The following FHIT variants were observed in gnomAD, a reference collection of about 807,000 sequenced individuals.
FHIT encodes the protein bis(5'-adenosyl)-triphosphatase.
FHIT carries 19 observed loss-of-function variants against 17.9 expected under a neutral mutation model. That is an observed-to-expected ratio of 1.06 (90% CI 0.74 to 1.56). FHIT has a LOEUF of 1.56. Among genes scored for constraint, FHIT ranks in the 40% most tolerant of loss-of-function variants. The pLI, the probability that FHIT is intolerant of heterozygous loss-of-function variation, is 0.00. For synonymous variants in FHIT, 81 were observed against 69.7 expected, an observed-to-expected ratio of 1.16 and a Z score of -0.81; for missense variants, 248 against 189.2, an observed-to-expected ratio of 1.31 and a Z score of -1.82.
intron 5 of FHIT, among the ~76,000 whole-genome samples, chr3:60,029,214 A>G (rs1700877950): frequency 6.6e-6 from 1 of 152,212 alleles, no homozygotes; most frequent in Non-Finnish European, 1.5e-5. Context: ...GTTAAAGGTC[A>G]TAGAACAGTC....
chr3:60,663,620 A>G (rs1310280934), intron 4 of FHIT, among the ~76,000 whole-genome samples: 1 of 151,956 alleles, frequency 6.6e-6, no homozygotes, highest in African/African-American at 2.4e-5. Flanking sequence ...TATTTTTACA[A>G]GAGAGGGGGT....
intron 5 of FHIT, among the ~76,000 whole-genome samples, chr3:60,148,277 A>T (rs1700322365): frequency 6.6e-6 from 1 of 152,226 alleles, no homozygotes; most frequent in South Asian, 2.1e-4. Flanking sequence ...ATGGATAGAT[A>T]AATGGCATAT....
intron 5 of FHIT, among the ~76,000 whole-genome samples, chr3:60,469,497 ATTCT>A (rs1208955295): frequency 6.6e-6 from 1 of 152,102 alleles, no homozygotes; most frequent in Non-Finnish European, 1.5e-5. Context: ...TCTCTGCTTG[ATTCT>A]TTATATCTCC....
intron 5 of FHIT, among the ~76,000 whole-genome samples, chr3:60,529,276 A>G (rs1158789143): frequency 6.6e-6 from 1 of 152,192 alleles, no homozygotes; most frequent in Non-Finnish European, 1.5e-5. Flanking sequence ...AGTTGAACAC[A>G]TATACGTATT....
chr3:60,629,662 C>T (rs1274404058), intron 4 of FHIT, among the ~76,000 whole-genome samples: 1 of 152,202 alleles, frequency 6.6e-6, no homozygotes, highest in Non-Finnish European at 1.5e-5. Context: ...AGGTTCTTGT[C>T]CCTTAAAGCT....
At chr3:60,826,606 G>T (rs181837855) in intron 3 of FHIT, among the ~76,000 whole-genome samples, 3 of 152,210 alleles carry the variant, frequency 2.0e-5, no homozygotes, top group African/African-American at 7.2e-5. Context: ...GACCATTGGT[G>T]ATTCCTAGCA....
intron 7 of FHIT, among the ~76,000 whole-genome samples, chr3:59,999,333 TC>T (rs1699638395): frequency 1.3e-5 from 2 of 152,066 alleles, no homozygotes; most frequent in Non-Finnish European, 2.9e-5. Context: ...AGCACCACCA[TC>T]GTTAAAGTTA....
intron 5 of FHIT, among the ~76,000 whole-genome samples, chr3:60,504,285 T>C (rs529004131): frequency 2.6e-5 from 4 of 152,036 alleles, no homozygotes; most frequent in Admixed American, 6.5e-5. Flanking sequence ...AATACAAAAA[T>C]TAGCTGGGCA....
chr3:60,268,000 C>G (rs966792040), intron 5 of FHIT, among the ~76,000 whole-genome samples: 1 of 152,114 alleles, frequency 6.6e-6, no homozygotes, highest in Non-Finnish European at 1.5e-5. Flanking sequence ...AATCACTAAC[C>G]AGGAGGTAGG....
rs529052622 is a variant in FHIT at position 60,995,321 on chromosome 3, AAAT to A, written c.-111+46723_-111+46725del. The stretch of plus-strand genomic sequence containing the variant: ...GGGGACAGAGCGAGACTCTGTCTCA[AAAT>A]AATAATAATAATAATAATAGTTTAA... On this transcript the variant is annotated intron_variant, in intron 3 of 9. Transcript: ENST00000492590. Among the ~76,000 whole-genome samples, 424 of 151,702 alleles carry A rather than the reference AAAT, an allele frequency of 2.8e-3. 3 individuals carry two copies. The highest frequency in any genetic ancestry group is 0.024 in the Middle Eastern group (7 of 294).
intron 5 of FHIT, among the ~76,000 whole-genome samples, chr3:60,063,516 G>A (rs1702377626): frequency 6.6e-6 from 1 of 152,114 alleles, no homozygotes; most frequent in South Asian, 2.1e-4. Context: ...GGCCCAGAGT[G>A]ACTGCCAAAC....
intron 5 of FHIT, among the ~76,000 whole-genome samples, chr3:60,521,469 G>T (rs537327862): frequency 2.0e-5 from 3 of 152,062 alleles, no homozygotes; most frequent in South Asian, 2.1e-4. Context: ...GGATGGTCTC[G>T]ATCTGCTGAC....
chr3:60,208,549 T>C (rs1320663605), intron 5 of FHIT, among the ~76,000 whole-genome samples: 1 of 152,244 alleles, frequency 6.6e-6, no homozygotes, highest in Admixed American at 6.5e-5. Context: ...ACTTAGCATT[T>C]AGCCCCTTTT....
At chr3:61,000,909 A>G (rs902306762) in intron 3 of FHIT, among the ~76,000 whole-genome samples, 1 of 152,196 alleles carries the variant, frequency 6.6e-6, no homozygotes, top group Non-Finnish European at 1.5e-5. Context: ...TCCCAACCAT[A>G]TATCTGACAA....
chr3:60,434,573 T>C (rs2030038321), intron 5 of FHIT, among the ~76,000 whole-genome samples: 1 of 152,192 alleles, frequency 6.6e-6, no homozygotes, highest in African/African-American at 2.4e-5. Context: ...CCACTGAAAA[T>C]GCTACCTGAT....
At chr3:60,714,973 C>T (rs1233882393) in intron 4 of FHIT, among the ~76,000 whole-genome samples, 12 of 152,146 alleles carry the variant, frequency 7.9e-5, no homozygotes, top group African/African-American at 2.9e-4. Context: ...GCCCGCATCG[C>T]CAAGTCAATC....
chr3:60,202,487 G>T (rs1468421581), intron 5 of FHIT, among the ~76,000 whole-genome samples: 1 of 152,174 alleles, frequency 6.6e-6, no homozygotes, highest in Non-Finnish European at 1.5e-5. Flanking sequence ...TCAGGCACTA[G>T]TTGGCATTAA....
At chr3:61,205,212 AG>A (rs2039181713) in intron 1 of FHIT, among the ~76,000 whole-genome samples, 1 of 152,010 alleles carries the variant, frequency 6.6e-6, no homozygotes, top group Non-Finnish European at 1.5e-5. Context: ...TTCTTAATCC[AG>A]TCTATCATTG....
chr3:60,270,236 A>T (rs1706797126), intron 5 of FHIT, among the ~76,000 whole-genome samples: 1 of 151,998 alleles, frequency 6.6e-6, no homozygotes, highest in Non-Finnish European at 1.5e-5. Flanking sequence ...CAAAGCACAG[A>T]CTCCGACCAC....
Sources: allele counts gnomAD v4.1 joint callset (sites outside exome capture counted in the v4.1 genomes callset), GRCh38; gene constraint gnomAD v4.1.1; transcripts MANE v1.5; gene names NCBI Gene and HGNC (gene_info 2026-07-23, HGNC 2026-07-21).